FBXL17: variants seen among roughly 807,000 people sequenced by gnomAD.
FBXL17 encodes the protein F-box and leucine rich repeat protein 17.
FBXL17 carries 22 observed loss-of-function variants against 66.2 expected under a neutral mutation model. The ratio of observed to expected loss-of-function variants is 0.33; its 90% CI spans 0.24 to 0.47. The LOEUF is 0.47. Among genes scored for constraint, FBXL17 ranks in the 20% least tolerant of loss-of-function variants. The pLI is 1.00. For missense variants in FBXL17, 878 were observed against 948.2 expected, an observed-to-expected ratio of 0.93 and a Z score of 0.97; for synonymous variants, 474 against 400.5, an observed-to-expected ratio of 1.18 and a Z score of -2.19.
chr5:108,143,993 T>C (rs1751462884), intron 6 of FBXL17, among the ~76,000 whole-genome samples: 1 of 151,962 alleles, frequency 6.6e-6, no homozygotes, highest in Non-Finnish European at 1.5e-5. Flanking sequence ...AGAGCTATCA[T>C]AGCATCTCCT....
chr5:107,906,149 C>T (rs1037221836), intron 7 of FBXL17, among the ~76,000 whole-genome samples: 2 of 151,290 alleles, frequency 1.3e-5, no homozygotes, highest in Non-Finnish European at 2.9e-5. Flanking sequence ...AACTAGATGA[C>T]AGGCCAGCCA....
intron 1 of FBXL17, among the ~76,000 whole-genome samples, chr5:108,375,853 G>T (rs533523260): frequency 1.3e-5 from 2 of 152,072 alleles, no homozygotes; most frequent in Non-Finnish European, 2.9e-5. Context: ...TATGAATACC[G>T]ATGTGAAAAT....
At chr5:107,888,773 T>A (rs181191692) in intron 7 of FBXL17, among the ~76,000 whole-genome samples, 77 of 152,340 alleles carry the variant, frequency 5.1e-4, no homozygotes, top group Admixed American at 1.2e-3. Flanking sequence ...TTGGGGCTAT[T>A]ACAGATAATG....
At chr5:107,933,433 C>A (rs1475523624) in intron 7 of FBXL17, among the ~76,000 whole-genome samples, 4 of 152,164 alleles carry the variant, frequency 2.6e-5, no homozygotes, top group Non-Finnish European at 5.9e-5. Context: ...AATAAATAGT[C>A]ACTTACATTG....
At chr5:108,294,895 T>C (rs1292469731) in intron 4 of FBXL17, among the ~76,000 whole-genome samples, 3 of 152,144 alleles carry the variant, frequency 2.0e-5, no homozygotes, top group African/African-American at 7.2e-5. Context: ...CTAATGTTAC[T>C]ACATTCAGCC....
chr5:108,325,649 A>G (rs886234271), intron 4 of FBXL17, among the ~76,000 whole-genome samples: 10 of 152,182 alleles, frequency 6.6e-5, no homozygotes, highest in African/African-American at 2.4e-4. Flanking sequence ...CAGGAAAGCA[A>G]TGTTATTGAA....
rs147965913 is a variant in FBXL17, at chr5:108,236,108, T to G, written c.1507-11880A>C. ...TGCCTGTAGTCCCAGCTACTTGGGA[T>G]GCTGAGGCAGTAGAATCACTTGAGC... On this transcript the variant is annotated intron_variant, in intron 4 of 8. Coordinates refer to ENST00000542267, the MANE Select transcript of FBXL17 (RefSeq NM_001163315.3). 2.5e-3 allele frequency among the ~76,000 whole-genome samples: 383 copies of G among 152,166 alleles called. 14 individuals are homozygous for G. The East Asian group carries it at 0.064, about 25-fold the overall frequency.
At chr5:108,294,087 T>A (rs1245693299) in intron 4 of FBXL17, among the ~76,000 whole-genome samples, 11 of 124,772 alleles carry the variant, frequency 8.8e-5, no homozygotes, top group Non-Finnish European at 1.4e-4. Context: ...TGTATTTCAA[T>A]CATTAAGATA....
intron 6 of FBXL17, among the ~76,000 whole-genome samples, chr5:108,114,029 C>G (rs1159456721): frequency 9.2e-5 from 14 of 152,138 alleles, no homozygotes; most frequent in Admixed American, 9.2e-4. Context: ...ACAGAATAAT[C>G]CTTTGTATGT....
intron 4 of FBXL17, among the ~76,000 whole-genome samples, chr5:108,340,266 T>A (rs1234867902): frequency 6.6e-6 from 1 of 151,948 alleles, no homozygotes; most frequent in Non-Finnish European, 1.5e-5. Flanking sequence ...AAAACGTGTT[T>A]TAGGCCAGGC....
chr5:108,289,521 G>A (rs897812497), intron 4 of FBXL17, among the ~76,000 whole-genome samples: 1 of 151,990 alleles, frequency 6.6e-6, no homozygotes, highest in African/African-American at 2.4e-5. Context: ...ACAGATTATT[G>A]GCCGTTCATT....
chr5:108,210,494 G>A (rs546898002), intron 5 of FBXL17, among the ~76,000 whole-genome samples: 2 of 152,298 alleles, frequency 1.3e-5, no homozygotes, highest in Admixed American at 6.5e-5. Context: ...GTGTCCTAGA[G>A]ATTCTGGTAT....
intron 8 of FBXL17, among the ~76,000 whole-genome samples, chr5:107,877,342 T>G (rs1332118125): frequency 6.6e-6 from 1 of 152,212 alleles, no homozygotes; most frequent in African/African-American, 2.4e-5. Context: ...GTTGCTTTCA[T>G]CTGCAACGAA....
At chr5:108,286,148 A>C (rs945932213) in intron 4 of FBXL17, among the ~76,000 whole-genome samples, 1 of 152,042 alleles carries the variant, frequency 6.6e-6, no homozygotes, top group Admixed American at 6.6e-5. Context: ...ACTTCAAAAT[A>C]ATAAGACCCA....
At chr5:107,934,001 C>G (rs774731122) in intron 7 of FBXL17, among the ~76,000 whole-genome samples, 1 of 152,206 alleles carries the variant, frequency 6.6e-6, no homozygotes, top group Middle Eastern at 3.4e-3. Flanking sequence ...TACTGTACTG[C>G]CATATAACAT....
rs75139377 is a variant in FBXL17 at position 107,961,917 on chromosome 5, A to G, written c.1822+59008T>C. Among the ~76,000 whole-genome samples the G allele has an allele frequency of 7.2e-4, 110 of 152,268 alleles. 2 individuals carry two copies. The East Asian group carries it at 0.019, about 27-fold the overall frequency. ...GGGGTTTGAAGAAGAAAAGGTTAACATTTTTAAAATGATACTTTTATTTAC... is the reference window on the plus strand; with the variant it reads ...GGGGTTTGAAGAAGAAAAGGTTAACGTTTTTAAAATGATACTTTTATTTAC... On this transcript the variant is annotated intron_variant, in intron 7 of 8. Transcript: ENST00000542267.
intron 6 of FBXL17, among the ~76,000 whole-genome samples, chr5:108,164,238 C>G (rs893901884): frequency 1.3e-5 from 2 of 152,122 alleles, no homozygotes; most frequent in East Asian, 3.8e-4. Flanking sequence ...CATACACGAA[C>G]CAGGACTGTG....
chr5:108,356,044 T>C lies in FBXL17; in HGVS notation c.1375-7514A>G, dbSNP rs1747966012. The stretch of plus-strand genomic sequence containing the variant: ...TTAAAAGTAAATGGATGAAGAAAGA[T>C]ATGCCATATTAATACTAATCAAAAG... On this transcript the variant is annotated intron_variant, in intron 3 of 8. Transcript: ENST00000542267. Among the ~76,000 whole-genome samples the C allele has an allele frequency of 2.0e-5, 3 of 152,100 alleles. 1 individual carries two copies. Among genetic ancestry groups the C allele is most frequent in the South Asian group, 4.1e-4 (2 of 4,830 alleles).
At chr5:108,277,594 A>C (rs887403312) in intron 4 of FBXL17, among the ~76,000 whole-genome samples, 4 of 152,198 alleles carry the variant, frequency 2.6e-5, no homozygotes, top group African/African-American at 9.6e-5. Context: ...GCCAAACACT[A>C]ATTTATTTGG....
Sources: allele counts gnomAD v4.1 joint callset (sites outside exome capture counted in the v4.1 genomes callset), GRCh38; gene constraint gnomAD v4.1.1; transcripts MANE v1.5; gene names NCBI Gene and HGNC (gene_info 2026-07-23, HGNC 2026-07-21).